HS3ST5: variants seen among roughly 807,000 people sequenced by gnomAD.
HS3ST5 encodes the protein heparan sulfate-glucosamine 3-sulfotransferase 5.
HS3ST5 carries 10 observed loss-of-function variants against 25.4 expected under a neutral mutation model. That is an observed-to-expected ratio of 0.39 (90% CI 0.24 to 0.67). The LOEUF is 0.67. Ranked by LOEUF, HS3ST5 falls within the 30% of genes least tolerant of loss-of-function variation. The pLI, the probability that HS3ST5 is intolerant of heterozygous loss-of-function variation, is 0.44. For missense variants in HS3ST5, 324 were observed against 420.7 expected (o/e 0.77, Z 2.01); for synonymous variants, 170 against 162.4 (o/e 1.05, Z -0.36).
chr6:114,278,581 T>A (rs1211494127), intron 1 of HS3ST5, among the ~76,000 whole-genome samples: 1 of 151,914 alleles, frequency 6.6e-6, no homozygotes, highest in Non-Finnish European at 1.5e-5. Context: ...CATGAACTCA[T>A]AATAAATCTC....
At chr6:114,104,808 G>A (rs757506980) in intron 3 of HS3ST5, among the ~76,000 whole-genome samples, 1 of 152,144 alleles carries the variant, frequency 6.6e-6, no homozygotes, top group Non-Finnish European at 1.5e-5. Flanking sequence ...GTAGCGTTGT[G>A]TATCATTTTC....
chr6:114,116,099 T>C (rs1004616437), intron 3 of HS3ST5: 19 of 152,060 alleles, frequency 1.2e-4, no homozygotes, highest in African/African-American at 4.1e-4. Context: ...ATTTAGGGTA[T>C]CTTTATTTTT....
chr6:114,297,484 C>T (rs999570261), intron 1 of HS3ST5, among the ~76,000 whole-genome samples: 2 of 152,178 alleles, frequency 1.3e-5, no homozygotes, highest in African/African-American at 4.8e-5. Flanking sequence ...GGAAAGCAGG[C>T]TTCATGGGGA....
intron 3 of HS3ST5, among the ~76,000 whole-genome samples, chr6:114,125,181 T>C (rs879795461): frequency 6.6e-6 from 1 of 152,226 alleles, no homozygotes; most frequent in Non-Finnish European, 1.5e-5. Flanking sequence ...GAAATATTTT[T>C]AGAAAGAATT....
intron 2 of HS3ST5, among the ~76,000 whole-genome samples, chr6:114,207,492 A>G (rs1781321631): frequency 6.6e-6 from 1 of 152,176 alleles, no homozygotes; most frequent in Non-Finnish European, 1.5e-5. Flanking sequence ...AGCAGCATTA[A>G]AGCAGCCTAG....
chr6:114,244,680 A>C (rs993248229), intron 1 of HS3ST5, among the ~76,000 whole-genome samples: 1 of 152,202 alleles, frequency 6.6e-6, no homozygotes, highest in African/African-American at 2.4e-5. Context: ...ATTGACAAAG[A>C]CATCTCTGTT....
At chr6:114,220,740 T>C (rs1781991555) in intron 2 of HS3ST5, 2 of 152,006 alleles carry the variant, frequency 1.3e-5, no homozygotes, top group South Asian at 2.1e-4. Flanking sequence ...GCTTAGCTTC[T>C]GAGATCTGAT....
intron 1 of HS3ST5, among the ~76,000 whole-genome samples, chr6:114,260,044 A>C (rs1241019137): frequency 1.3e-5 from 2 of 152,206 alleles, no homozygotes; most frequent in African/African-American, 4.8e-5. Flanking sequence ...CCTAATTAAT[A>C]ATCCAAAATG....
At chr6:114,285,756 A>C (rs1774311585) in intron 1 of HS3ST5, among the ~76,000 whole-genome samples, 1 of 152,070 alleles carries the variant, frequency 6.6e-6, no homozygotes, top group East Asian at 1.9e-4. Context: ...TGATAGGTGC[A>C]GCAAACCACA....
chr6:114,122,974 C>T (rs745510186), intron 3 of HS3ST5, among the ~76,000 whole-genome samples: 8 of 152,102 alleles, frequency 5.3e-5, no homozygotes, highest in Admixed American at 2.0e-4. Context: ...TTGTTTGAGA[C>T]GGAGTTTCAC....
rs139113977 is a variant in HS3ST5, at chr6:114,201,612, G to A, written c.-145+26973C>T. Among the ~76,000 whole-genome samples, 3 of 152,184 alleles carry A rather than the reference G, an allele frequency of 2.0e-5. No individual in the cohort carries two copies. In the East Asian group the frequency reaches 5.8e-4, roughly 29 times the overall value. ...TCCCCCACATGGCTGCATTCCTCACGTTCTTCAAGACTTTGCCTAAACGTC... is the reference window on the plus strand; with the variant it reads ...TCCCCCACATGGCTGCATTCCTCACATTCTTCAAGACTTTGCCTAAACGTC... On this transcript the variant is annotated intron_variant, in intron 2 of 4. Coordinates refer to ENST00000312719, the MANE Select transcript of HS3ST5 (RefSeq NM_153612.4).
chr6:114,184,541 G>A (rs1780125970), intron 2 of HS3ST5, among the ~76,000 whole-genome samples: 1 of 152,226 alleles, frequency 6.6e-6, no homozygotes, highest in Non-Finnish European at 1.5e-5. Context: ...TTCACAGGAT[G>A]TGACCATAGA....
intron 3 of HS3ST5, among the ~76,000 whole-genome samples, chr6:114,088,039 A>T (rs186745793): frequency 2.0e-5 from 3 of 152,338 alleles, no homozygotes; most frequent in Admixed American, 6.5e-5. Flanking sequence ...TGAAAAAAAG[A>T]ATGTCAAATA....
intron 2 of HS3ST5, among the ~76,000 whole-genome samples, chr6:114,192,804 T>G (rs1223736980): frequency 6.6e-6 from 1 of 152,162 alleles, no homozygotes; most frequent in East Asian, 1.9e-4. Context: ...AGAAATAAGA[T>G]ACTGTAACGT....
chr6:114,142,048 C>A (rs949693756), intron 3 of HS3ST5, among the ~76,000 whole-genome samples: 1 of 151,638 alleles, frequency 6.6e-6, no homozygotes, highest in African/African-American at 2.4e-5. Context: ...CATGATATTT[C>A]TTGGTTTCCA....
At chr6:114,178,199 GC>G (rs1779810301) in intron 2 of HS3ST5, among the ~76,000 whole-genome samples, 1 of 151,946 alleles carries the variant, frequency 6.6e-6, no homozygotes, top group African/African-American at 2.4e-5. Flanking sequence ...GGAAAATCAG[GC>G]ATATTTCTAA....
At chr6:114,209,385 C>T (rs1269457408) in intron 2 of HS3ST5, among the ~76,000 whole-genome samples, 3 of 150,636 alleles carry the variant, frequency 2.0e-5, no homozygotes, top group Admixed American at 6.6e-5. Flanking sequence ...TAACAATGTT[C>T]CTGTGCATAA....
chr6:114,058,913 A>G (rs1772935466), intron 4 of HS3ST5: 1 of 152,244 alleles, frequency 6.6e-6, no homozygotes, highest in South Asian at 2.1e-4. Flanking sequence ...AGTGCTGTAT[A>G]TCACCTACCA....
chr6:114,326,980 T>C (rs548147666), intron 1 of HS3ST5, among the ~76,000 whole-genome samples: 170 of 152,332 alleles, frequency 1.1e-3, no homozygotes, highest in Non-Finnish European at 2.0e-3. Flanking sequence ...AACTCTTAAA[T>C]GGTCTTAACT....
Sources: allele counts gnomAD v4.1 joint callset (sites outside exome capture counted in the v4.1 genomes callset), GRCh38; gene constraint gnomAD v4.1.1; transcripts MANE v1.5; gene names NCBI Gene and HGNC (gene_info 2026-07-23, HGNC 2026-07-21).